The following CACNA1A variants were observed in gnomAD, a reference collection of about 807,000 sequenced individuals.
The protein encoded by CACNA1A is calcium voltage-gated channel subunit alpha1 A.
In CACNA1A, 57 loss-of-function variants were observed where a neutral mutation model predicts 262.4. The ratio of observed to expected loss-of-function variants is 0.22; its 90% CI spans 0.18 to 0.27. The LOEUF is 0.27. CACNA1A is among the 10% of genes least tolerant of loss of function. The pLI is 1.00. For synonymous variants in CACNA1A, 1,431 were observed against 1,419.3 expected (o/e 1.01, Z -0.18); for missense variants, 2,526 against 3,562.8 (o/e 0.71, Z 7.41).
chr19:13,484,719 T>C (rs1251923037), intron 1 of CACNA1A, among the ~76,000 whole-genome samples: 3 of 152,174 alleles, frequency 2.0e-5, no homozygotes, highest in African/African-American at 7.2e-5. Context: ...TTAGGATAAA[T>C]ATCAAACTCC....
intron 40 of CACNA1A, chr19:13,213,598 A>G (rs1378433702): frequency 2.0e-5 from 3 of 151,378 alleles, no homozygotes; most frequent in Non-Finnish European, 4.4e-5. Flanking sequence ...CGCCCTGCAC[A>G]CAGTAATACT....
At chr19:13,411,935 C>G (rs957052277) in intron 3 of CACNA1A, among the ~76,000 whole-genome samples, 12 of 151,280 alleles carry the variant, frequency 7.9e-5, no homozygotes, top group Admixed American at 7.9e-4. Context: ...AGGCTGGTGT[C>G]AAACTCCTGG....
intron 3 of CACNA1A, among the ~76,000 whole-genome samples, chr19:13,373,825 C>T (rs1302466778): frequency 5.9e-5 from 9 of 152,208 alleles, no homozygotes; most frequent in Admixed American, 5.9e-4. Context: ...TGAGCGTATC[C>T]TATGTGCTGG....
chr19:13,488,388 TTC>T (rs1474665860), intron 1 of CACNA1A, among the ~76,000 whole-genome samples: 6 of 141,728 alleles, frequency 4.2e-5, no homozygotes, highest in African/African-American at 1.4e-4. Context: ...CCTTTTTCTT[TTC>T]TTTTTTTTTT....
intron 3 of CACNA1A, among the ~76,000 whole-genome samples, chr19:13,417,251 T>C (rs770345483): frequency 1.5e-4 from 23 of 152,234 alleles, no homozygotes; most frequent in Non-Finnish European, 3.1e-4. Flanking sequence ...AGAAGCGCTG[T>C]GTTAACTGTG....
chr19:13,266,521 TCTC>T (rs1224981776), intron 24 of CACNA1A, among the ~76,000 whole-genome samples: 1 of 152,196 alleles, frequency 6.6e-6, no homozygotes, highest in Non-Finnish European at 1.5e-5. Context: ...GCATTCTGCA[TCTC>T]CTCATCTGAA....
At chr19:13,211,958 G>A (rs1162918547) in intron 43 of CACNA1A, 145 bp downstream of exon 43, 2 of 612,492 alleles carry the variant, frequency 3.3e-6, no homozygotes, top group East Asian at 5.6e-5. Context: ...GGTGGGGCCT[G>A]CAGACTGCTT....
intron 3 of CACNA1A, among the ~76,000 whole-genome samples, chr19:13,399,415 A>T (rs1456867524): frequency 6.8e-6 from 1 of 147,230 alleles, no homozygotes; most frequent in African/African-American, 2.7e-5. Context: ...GAAGAAGAAG[A>T]AGAAGAAGGA....
chr19:13,387,286 T>C (rs917516524), intron 3 of CACNA1A, among the ~76,000 whole-genome samples: 2 of 152,158 alleles, frequency 1.3e-5, no homozygotes, highest in Non-Finnish European at 2.9e-5. Flanking sequence ...TGTAGCTAAG[T>C]CATATCAGAA....
chr19:13,247,511 G>C (rs1466306410), intron 30 of CACNA1A, among the ~76,000 whole-genome samples: 1 of 152,094 alleles, frequency 6.6e-6, no homozygotes, highest in Admixed American at 6.6e-5. Flanking sequence ...GGATAACATG[G>C]TGAATCCCCA....
At chr19:13,322,240 C>T (rs1348448330) in intron 10 of CACNA1A, among the ~76,000 whole-genome samples, 4 of 148,410 alleles carry the variant, frequency 2.7e-5, no homozygotes, top group Non-Finnish European at 5.9e-5. Flanking sequence ...TACAGAAACA[C>T]AGAAAGAAGA....
chr19:13,384,840 A>G (rs1050131839), intron 3 of CACNA1A, among the ~76,000 whole-genome samples: 1 of 152,192 alleles, frequency 6.6e-6, no homozygotes, highest in African/African-American at 2.4e-5. Flanking sequence ...ATACGGCATC[A>G]GGGTCACGTC....
intron 1 of CACNA1A, among the ~76,000 whole-genome samples, chr19:13,478,328 C>G (rs1170110667): frequency 6.6e-6 from 1 of 152,042 alleles, no homozygotes; most frequent in South Asian, 2.1e-4. Flanking sequence ...GTTGTTGTTG[C>G]TGTCATTTTT....
Position 13,208,042 on chromosome 19 carries a change from G to C in CACNA1A, c.6792C>G (p.Ser2264=), listed in dbSNP as rs1383547018. ...TTGAGGGGGCTGGGCTTCCACTTACGGAACTACTGCCCTACACGAAAATTG... is the reference window on the plus strand; with the variant it reads ...TTGAGGGGGCTGGGCTTCCACTTACCGAACTACTGCCCTACACGAAAATTG... ...EHMAHRQGSS[S]VSGSPAPSTS... The change falls in exon 47 of 47, where the codon TCC becomes TCG. Residue 2264 remains serine, a synonymous_variant. Transcript: ENST00000360228. The C allele has an allele frequency of 1.5e-6, 2 of 1,298,900 alleles. No individual in the cohort carries two copies. Among genetic ancestry groups the C allele is most frequent in the East Asian group, 3.1e-5 (1 of 32,088 alleles). The allele number at this position is 1,298,900 out of a possible 1,614,324, so 80.5% of individuals were successfully genotyped here. A position where few individuals can be genotyped will look rare whatever the true frequency, so the allele number is the denominator to read the frequency against.
intron 3 of CACNA1A, among the ~76,000 whole-genome samples, chr19:13,418,759 G>A (rs766598107): frequency 5.9e-5 from 9 of 152,136 alleles, no homozygotes; most frequent in Non-Finnish European, 1.3e-4. Context: ...TTGAAGCCGT[G>A]TGGTTTATGG....
At chr19:13,318,890 CTTT>C (rs751530649) in intron 10 of CACNA1A, among the ~76,000 whole-genome samples, 4 of 114,632 alleles carry the variant, frequency 3.5e-5, no homozygotes, top group Admixed American at 9.2e-5. Flanking sequence ...TAAAATACAT[CTTT>C]TTTTTTTTTT....
chr19:13,402,779 C>CATAT (rs398071149), intron 3 of CACNA1A, among the ~76,000 whole-genome samples: 5 of 124,474 alleles, frequency 4.0e-5, no homozygotes, highest in East Asian at 2.1e-4. Flanking sequence ...CATATATATA[C>CATAT]ATATATATAC....
intron 1 of CACNA1A, among the ~76,000 whole-genome samples, chr19:13,501,941 A>G (rs889281748): frequency 6.6e-6 from 1 of 152,168 alleles, no homozygotes; most frequent in Non-Finnish European, 1.5e-5. Context: ...CCCATTGGAA[A>G]AGCCGTGCTA....
intron 3 of CACNA1A, among the ~76,000 whole-genome samples, chr19:13,450,139 CAAAAA>C (rs367559329): frequency 0.028 from 1,441 of 52,198 alleles, 23 homozygotes; most frequent in African/African-American, 0.087. Context: ...AGACTCTTGT[CAAAAA>C]AAAAAAAAAA....
Sources: gnomAD v4.1 joint callset for allele counts (sites outside exome capture counted in the v4.1 genomes callset) on GRCh38, gnomAD v4.1.1 for gene constraint, MANE v1.5 for transcripts, NCBI Gene and HGNC (gene_info 2026-07-23, HGNC 2026-07-21) for gene names.